Variants in CPQ observed in about 807,000 individuals in gnomAD.
CPQ encodes Ser-Met dipeptidase.
In CPQ, 37 loss-of-function variants were observed where a neutral mutation model predicts 45.7. The ratio of observed to expected loss-of-function variants is 0.81; its 90% CI spans 0.62 to 1.07. The LOEUF (loss-of-function observed/expected upper bound fraction) is 1.07. Ranked by LOEUF, CPQ falls within the 50% of genes least tolerant of loss-of-function variation. The probability of loss-of-function intolerance (pLI) is 0.00; values close to 1 mark genes in which losing one functional copy is unlikely to be tolerated. For synonymous variants in CPQ, 186 were observed against 205.8 expected (o/e 0.90, Z 0.82); for missense variants, 537 against 572.9 (o/e 0.94, Z 0.64).
chr8:97,000,825 T>C (rs1382418188), intron 5 of CPQ, among the ~76,000 whole-genome samples: 1 of 152,220 alleles, frequency 6.6e-6, no homozygotes, highest in East Asian at 1.9e-4. Flanking sequence ...TAAATTACTT[T>C]GGGCAGTATG....
intron 4 of CPQ, among the ~76,000 whole-genome samples, chr8:96,929,952 A>G (rs184900320): frequency 6.6e-6 from 1 of 151,864 alleles, no homozygotes; most frequent in Admixed American, 6.6e-5. Context: ...AGCTTGGGTG[A>G]GGTATAATAA....
intron 1 of CPQ, among the ~76,000 whole-genome samples, chr8:96,696,588 G>A (rs1809387994): frequency 6.6e-6 from 1 of 151,226 alleles, no homozygotes; most frequent in Non-Finnish European, 1.5e-5. Context: ...GTGAAAAGTT[G>A]GTTTTGTGAA....
chr8:96,648,298 C>G (rs1311593080), intron 1 of CPQ, among the ~76,000 whole-genome samples: 1 of 152,090 alleles, frequency 6.6e-6, no homozygotes, highest in Non-Finnish European at 1.5e-5. Context: ...CCATTGCTCA[C>G]AATATTATGA....
At chr8:96,828,695 GCACATTAGT>G (rs1193647032) in intron 2 of CPQ, among the ~76,000 whole-genome samples, 1 of 151,970 alleles carries the variant, frequency 6.6e-6, no homozygotes, top group East Asian at 1.9e-4. Context: ...CCTCACTCAC[GCACATTAGT>G]CACCTTTACA....
intron 3 of CPQ, among the ~76,000 whole-genome samples, chr8:96,870,025 C>T (rs982185156): frequency 4.0e-5 from 6 of 151,794 alleles, no homozygotes; most frequent in African/African-American, 1.2e-4. Flanking sequence ...CATAAATGTG[C>T]GTAAATGGGT....
intron 1 of CPQ, among the ~76,000 whole-genome samples, chr8:96,674,989 A>G (rs142050608): frequency 4.3e-4 from 66 of 152,242 alleles, no homozygotes; most frequent in African/African-American, 1.4e-3. Context: ...GGAACAAAAC[A>G]AGAATATCCA....
chr8:97,093,340 G>A (rs1264656123), intron 7 of CPQ, among the ~76,000 whole-genome samples: 2 of 152,084 alleles, frequency 1.3e-5, no homozygotes, highest in Admixed American at 6.6e-5. Context: ...AACATAAATT[G>A]TTCTACCATA....
intron 4 of CPQ, among the ~76,000 whole-genome samples, chr8:96,901,051 G>T (rs1457640556): frequency 6.6e-6 from 1 of 152,108 alleles, no homozygotes. Flanking sequence ...GGACTCTTTA[G>T]CCCAGGTTCT....
At chr8:97,035,807 AC>A (rs1178675856) in intron 6 of CPQ, among the ~76,000 whole-genome samples, 1 of 152,096 alleles carries the variant, frequency 6.6e-6, no homozygotes, top group Non-Finnish European at 1.5e-5. Flanking sequence ...TCCAGGGTTC[AC>A]GCCATTCTCC....
chr8:96,700,178 TG>T (rs1809436802), intron 1 of CPQ, among the ~76,000 whole-genome samples: 1 of 152,056 alleles, frequency 6.6e-6, no homozygotes, highest in Non-Finnish European at 1.5e-5. Context: ...CCTTGATGTG[TG>T]GGGGCATGTA....
At chr8:96,954,800 A>T (rs191321509) in intron 4 of CPQ, among the ~76,000 whole-genome samples, 425 of 151,898 alleles carry the variant, frequency 2.8e-3, no homozygotes, top group Admixed American at 5.3e-3. Flanking sequence ...CCTGTGTCCA[A>T]GTGTTCTCAT....
intron 1 of CPQ, among the ~76,000 whole-genome samples, chr8:96,677,239 G>T (rs891496434): frequency 6.6e-6 from 1 of 152,036 alleles, no homozygotes; most frequent in Non-Finnish European, 1.5e-5. Context: ...GTTCTTTAAG[G>T]AATCTCCATA....
rs138566859 is a variant in CPQ, at chr8:96,712,905, G to A, written c.-35+67503G>A. ...TTTTTTTCTATTGCATCATTAGGCT[G>A]TAAATTTTCCAAACTTTTATGCTCT... On this transcript the variant is annotated intron_variant, in intron 1 of 7. Coordinates refer to ENST00000220763, the MANE Select transcript of CPQ (RefSeq NM_016134.4). Among the ~76,000 whole-genome samples the A allele has an allele frequency of 5.3e-3, 811 of 152,232 alleles. 7 individuals are homozygous for A. The highest frequency in any genetic ancestry group is 0.018 in the African/African-American group (745 of 41,536).
In CPQ at chr8:96,725,419, A is replaced by C. The variant is rs182956327; in HGVS notation, c.-34-59445A>C. On this transcript the variant is annotated intron_variant, in intron 1 of 7. Transcript: ENST00000220763. ...CTAATAACCTCATTAAAACGTGGGC[A>C]AAGGACGTGAACAGACACTTATCAA... is the stretch of plus-strand genomic sequence containing the variant. Among the ~76,000 whole-genome samples the C allele has an allele frequency of 2.6e-5, 4 of 152,314 alleles. No homozygotes were observed. In the East Asian group the frequency reaches 7.7e-4, roughly 29 times the overall value.
At chr8:97,017,056 G>A (rs2130448622) in intron 5 of CPQ, among the ~76,000 whole-genome samples, 1 of 152,302 alleles carries the variant, frequency 6.6e-6, no homozygotes, top group African/African-American at 2.4e-5. Flanking sequence ...GGACCTGGGA[G>A]ACACCCCAAA....
chr8:96,918,054 T>A (rs1812755188), intron 4 of CPQ, among the ~76,000 whole-genome samples: 1 of 152,168 alleles, frequency 6.6e-6, no homozygotes, highest in Non-Finnish European at 1.5e-5. Flanking sequence ...TACTGTTCTC[T>A]TTAAAATTAT....
At chr8:96,725,757 C>A (rs901901821) in intron 1 of CPQ, among the ~76,000 whole-genome samples, 1 of 152,118 alleles carries the variant, frequency 6.6e-6, no homozygotes, top group African/African-American at 2.4e-5. Flanking sequence ...GAAAATAAAT[C>A]ATTTTACCAA....
At chr8:97,044,735 T>C (rs1810202747) in intron 6 of CPQ, among the ~76,000 whole-genome samples, 1 of 152,166 alleles carries the variant, frequency 6.6e-6, no homozygotes, top group Non-Finnish European at 1.5e-5. Flanking sequence ...CTGTTGGAGT[T>C]TGCTAGAGGT....
At chr8:96,966,419 T>C (rs1448583906) in intron 5 of CPQ, among the ~76,000 whole-genome samples, 23 of 152,198 alleles carry the variant, frequency 1.5e-4, no homozygotes, top group Admixed American at 1.5e-3. Flanking sequence ...ATTAGGACAA[T>C]GGATAAAGGC....
Sources: allele counts gnomAD v4.1 joint callset (sites outside exome capture counted in the v4.1 genomes callset), GRCh38; gene constraint gnomAD v4.1.1; transcripts MANE v1.5; gene names NCBI Gene and HGNC (gene_info 2026-07-23, HGNC 2026-07-21).